NOX4: variants seen among roughly 807,000 people sequenced by gnomAD.
NOX4 encodes kidney oxidase-1.
A neutral mutation model predicts 87.6 loss-of-function variants in NOX4; 69 were observed. The observed-to-expected ratio is 0.79, with a 90% CI of 0.65 to 0.96. The LOEUF is 0.96. Ranked by LOEUF, NOX4 falls within the 40% of genes least tolerant of loss-of-function variation. The probability of loss-of-function intolerance (pLI) is 0.00; values close to 1 mark genes in which losing one functional copy is unlikely to be tolerated. For synonymous variants in NOX4, 275 were observed against 238.2 expected (o/e 1.15, Z -1.42); for missense variants, 680 against 681.5 (o/e 1.00, Z 0.02).
chr11:89,568,089 T>C, the NOX4 span, among the ~76,000 whole-genome samples: 1 of 152,158 alleles, frequency 6.6e-6, no homozygotes, highest in Admixed American at 6.5e-5. Context: ...GTTATGGGCC[T>C]GGACACCACA....
chr11:89,577,367 AT>A, the NOX4 span: 2 of 152,202 alleles, frequency 1.3e-5, no homozygotes, highest in Non-Finnish European at 2.9e-5. Flanking sequence ...GTATGAGCCA[AT>A]TTTCTTAAGC....
the NOX4 span, chr11:89,556,836 G>A: frequency 6.6e-6 from 1 of 152,108 alleles, no homozygotes; most frequent in African/African-American, 2.4e-5. Context: ...TAACAAGTTT[G>A]GATCTGAAAT....
At chr11:89,552,797 A>AGTGAGACTGT in the NOX4 span, among the ~76,000 whole-genome samples, 1 of 151,258 alleles carries the variant, frequency 6.6e-6, no homozygotes, top group Non-Finnish European at 1.5e-5. Context: ...GCTGAGAAGT[A>AGTGAGACTGT]GTGAGACTGT....
intron 14 of NOX4, among the ~76,000 whole-genome samples, chr11:89,340,971 CA>C (rs1389821015): frequency 1.3e-4 from 19 of 150,590 alleles, no homozygotes; most frequent in Non-Finnish European, 1.5e-5. Flanking sequence ...TTTGGTTCTG[CA>C]AAAAAAATAG....
At chr11:89,382,227 C>G (rs10830266) in intron 11 of NOX4, among the ~76,000 whole-genome samples, 26 of 151,606 alleles carry the variant, frequency 1.7e-4, no homozygotes, top group African/African-American at 6.1e-4. Context: ...CTATGGGCAA[C>G]CTTCCACCCT....
At chr11:89,451,029 C>A (rs1309563740) in intron 3 of NOX4, among the ~76,000 whole-genome samples, 1 of 136,190 alleles carries the variant, frequency 7.3e-6, no homozygotes, top group Non-Finnish European at 1.5e-5. Flanking sequence ...CACTTGGACA[C>A]AGGATGGGGA....
At chr11:89,488,195 T>C (rs1467399850) in intron 2 of NOX4, among the ~76,000 whole-genome samples, 2 of 152,110 alleles carry the variant, frequency 1.3e-5, no homozygotes, top group Non-Finnish European at 2.9e-5. Context: ...AAAACTAATT[T>C]ATAACAACCT....
Position 89,402,511 on chromosome 11 carries a change from T to C in NOX4, c.661A>G (p.Thr221Ala), listed in dbSNP as rs1444041385. ...GLLKYQTNLD[T>A]HPPGCISLNR... ...AGACTGATGCAGCCGGGAGGGTGGG[T>C]ATCTAAATTAGTTTGATACTTCAGC... The change falls in exon 9 of 18, where the codon ACC becomes GCC. Residue 221 changes from threonine (T) to alanine (A), a missense_variant. Coordinates refer to ENST00000263317, the MANE Select transcript of NOX4 (RefSeq NM_016931.5). 1 of 1,610,766 alleles carries C rather than the reference T, an allele frequency of 6.2e-7. No homozygotes were observed. Among genetic ancestry groups the C allele is most frequent in the East Asian group, 2.2e-5 (1 of 44,828 alleles).
chr11:89,406,288 G>A (rs1375534379), intron 8 of NOX4, among the ~76,000 whole-genome samples: 1 of 152,020 alleles, frequency 6.6e-6, no homozygotes, highest in African/African-American at 2.4e-5. Flanking sequence ...TTACTTCACT[G>A]TGGCCACATT....
the NOX4 span, among the ~76,000 whole-genome samples, chr11:89,510,354 G>A: frequency 2.0e-5 from 3 of 152,032 alleles, no homozygotes; most frequent in Non-Finnish European, 4.4e-5. Context: ...AGCTGAGATA[G>A]GTGAACACAC....
At chr11:89,376,519 T>A (rs1939850759) in intron 11 of NOX4, among the ~76,000 whole-genome samples, 1 of 152,214 alleles carries the variant, frequency 6.6e-6, no homozygotes, top group Admixed American at 6.5e-5. Context: ...AATTAAAAGA[T>A]ATGCTTATGG....
chr11:89,446,127 T>C (rs890340042), intron 4 of NOX4, among the ~76,000 whole-genome samples: 5 of 152,062 alleles, frequency 3.3e-5, no homozygotes, highest in South Asian at 2.1e-4. Flanking sequence ...CCACATTATA[T>C]AACATCAGAG....
chr11:89,337,775 T>C (rs1291871623), intron 15 of NOX4, among the ~76,000 whole-genome samples: 1 of 152,068 alleles, frequency 6.6e-6, no homozygotes. Flanking sequence ...TCTTTATAGA[T>C]ACAAAATTTA....
At chr11:89,479,403 T>G (rs1412928959) in intron 2 of NOX4, among the ~76,000 whole-genome samples, 1 of 152,188 alleles carries the variant, frequency 6.6e-6, no homozygotes, top group African/African-American at 2.4e-5. Context: ...GAAAATTTGA[T>G]CATAAAGAAA....
the NOX4 span, among the ~76,000 whole-genome samples, chr11:89,528,579 T>C: frequency 6.6e-6 from 1 of 152,038 alleles, no homozygotes; most frequent in African/African-American, 2.4e-5. Context: ...TGAGTTCTTA[T>C]GAGATCTGAT....
chr11:89,426,855 G>A lies in NOX4; in HGVS notation c.549-4873C>T, dbSNP rs537660731. On this transcript the variant is annotated intron_variant, in intron 7 of 17. Transcript: ENST00000263317. ...TCTGCAGACTTAAATATCCCTGTCT[G>A]ACAGCTTTGAAGAGAGTAGTGGTTC... Among the ~76,000 whole-genome samples the A allele has an allele frequency of 2.0e-5, 3 of 152,284 alleles. No homozygotes were observed. In the South Asian group the frequency reaches 6.2e-4, roughly 32 times the overall value.
At chr11:89,565,393 G>A in the NOX4 span, among the ~76,000 whole-genome samples, 1 of 152,058 alleles carries the variant, frequency 6.6e-6, no homozygotes, top group Non-Finnish European at 1.5e-5. Flanking sequence ...TAACTCATCT[G>A]TACATTCATT....
chr11:89,525,735 T>C, the NOX4 span, among the ~76,000 whole-genome samples: 4 of 152,226 alleles, frequency 2.6e-5, no homozygotes, highest in Admixed American at 2.6e-4. Flanking sequence ...AAAAGTTAAA[T>C]TTATCCGTTA....
At chr11:89,447,481 C>T (rs1026007434) in intron 4 of NOX4, among the ~76,000 whole-genome samples, 14 of 152,216 alleles carry the variant, frequency 9.2e-5, no homozygotes, top group African/African-American at 3.4e-4. Context: ...GCAGCTCAAC[C>T]AAGCACTTTA....
Sources: allele counts gnomAD v4.1 joint callset (sites outside exome capture counted in the v4.1 genomes callset), GRCh38; gene constraint gnomAD v4.1.1; transcripts MANE v1.5; gene names NCBI Gene and HGNC (gene_info 2026-07-23, HGNC 2026-07-21).